The following BMP3 variants were observed in gnomAD, a reference collection of about 807,000 sequenced individuals.
BMP3 encodes the protein bone morphogenetic protein 3, also known as bone morphogenetic protein 3 (osteogenic).
In BMP3, 23 loss-of-function variants were observed where a neutral mutation model predicts 38.1. That is an observed-to-expected ratio of 0.60 (90% CI 0.43 to 0.86). The LOEUF (loss-of-function observed/expected upper bound fraction) is 0.86. Among genes scored for constraint, BMP3 ranks in the 40% least tolerant of loss-of-function variants. The probability of loss-of-function intolerance (pLI) is 0.00; values close to 1 mark genes in which losing one functional copy is unlikely to be tolerated. For synonymous variants in BMP3, 258 were observed against 225.7 expected, an observed-to-expected ratio of 1.14 and a Z score of -1.28; for missense variants, 628 against 579.6, an observed-to-expected ratio of 1.08 and a Z score of -0.86.
In BMP3 at chr4:81,045,962, G is replaced by A. The variant is rs779666641; in HGVS notation, c.541G>A (p.Gly181Ser). 59 of 1,613,844 alleles carry A rather than the reference G, an allele frequency of 3.7e-5. No homozygotes were observed. Among genetic ancestry groups the A allele is most frequent in the Non-Finnish European group, 4.5e-5 (53 of 1,179,998 alleles). The change falls in exon 2 of 3, where the codon GGC becomes AGC. Residue 181 changes from glycine (G) to serine (S), a missense_variant. Gly to Ser is a moderately conservative substitution (Grantham distance 56). Coordinates refer to ENST00000282701, the MANE Select transcript of BMP3 (RefSeq NM_001201.5). ...KFSRNQSQLL[G>S]HLSVDMAKSH... Reference sequence around the variant, plus strand: ...CAGCAGAAACCAAAGTCAACTCCTTGGCCATCTGTCAGTGGATATGGCCAA... The same window carrying A: ...CAGCAGAAACCAAAGTCAACTCCTTAGCCATCTGTCAGTGGATATGGCCAA...
chr4:81,052,714 T>A (rs763516825), intron 2 of BMP3, among the ~76,000 whole-genome samples: 3 of 152,074 alleles, frequency 2.0e-5, no homozygotes, highest in Non-Finnish European at 4.4e-5. Context: ...TAAGGAGAGT[T>A]GAATAATTAC....
At chr4:81,038,589 T>C (rs1313809159) in intron 1 of BMP3, among the ~76,000 whole-genome samples, 2 of 152,236 alleles carry the variant, frequency 1.3e-5, no homozygotes, top group Non-Finnish European at 2.9e-5. Flanking sequence ...AATACTATTC[T>C]ACTTCATATA....
chr4:81,046,952 GGTTGT>G (rs1343020381), intron 2 of BMP3, among the ~76,000 whole-genome samples: 3 of 152,190 alleles, frequency 2.0e-5, no homozygotes, highest in African/African-American at 7.2e-5. Flanking sequence ...TCAGCCACAT[GGTTGT>G]GTGTGAACCT....
chr4:81,030,956 G>A lies in BMP3; in HGVS notation c.-329G>A. 2 of 313,360 alleles carry A rather than the reference G, an allele frequency of 6.4e-6. No homozygotes were observed. Among genetic ancestry groups the A allele is most frequent in the Non-Finnish European group, 1.2e-5 (2 of 169,768 alleles). The allele number at this position is 313,360 out of a possible 1,614,324, so 19.4% of individuals were successfully genotyped here. A position where few individuals can be genotyped will look rare whatever the true frequency, so the allele number is the denominator to read the frequency against. The stretch of plus-strand genomic sequence containing the variant: ...TCCCAAAAATAAAGCGAGGAGGGAA[G>A]GTACAGACAGATCTTGAAAACACCC... On this transcript the variant is annotated 5_prime_UTR_variant, in exon 1 of 3. Transcript: ENST00000282701.
At chr4:81,052,893 G>A (rs1435548164) in intron 2 of BMP3, among the ~76,000 whole-genome samples, 1 of 152,128 alleles carries the variant, frequency 6.6e-6, no homozygotes, top group South Asian at 2.1e-4. Context: ...TTTGATTAAT[G>A]TAGGGTCAAT....
chr4:81,036,685 A>T (rs1044150202), intron 1 of BMP3, among the ~76,000 whole-genome samples: 2 of 152,038 alleles, frequency 1.3e-5, no homozygotes, highest in African/African-American at 4.8e-5. Flanking sequence ...CTTTATATTA[A>T]TCAAGTAATA....
chr4:81,039,508 G>A (rs913843889), intron 1 of BMP3, among the ~76,000 whole-genome samples: 1 of 152,152 alleles, frequency 6.6e-6, no homozygotes, highest in African/African-American at 2.4e-5. Context: ...GCACTGAAGT[G>A]TTGCAATAGC....
chr4:81,046,688 C>T (rs571181776), intron 2 of BMP3, 40 bp downstream of exon 2: 2 of 1,549,030 alleles, frequency 1.3e-6, no homozygotes, highest in Non-Finnish European at 1.7e-6. Flanking sequence ...TTCCTATTTC[C>T]ATTAGTAGAA....
At position 81,046,009 on chromosome 4, in the gene BMP3, C is replaced by G; in HGVS notation, c.588C>G (p.Ser196=). 6.2e-7 allele frequency: 1 copy of G among 1,614,142 alleles called. No homozygotes were observed. The highest frequency in any genetic ancestry group is 8.5e-7 in the Non-Finnish European group (1 of 1,180,024). ...CCAAATCTCATCGAGATATTATGTC[C>G]TGGCTGTCTAAAGATATCACTCAAC... The part of the protein sequence containing the change: ...DMAKSHRDIM[S]WLSKDITQLL... Residue 196 remains serine, a synonymous_variant, in exon 2 of 3, where the codon TCC becomes TCG. Transcript: ENST00000282701.
At chr4:81,051,598 A>G (rs1388046318) in intron 2 of BMP3, among the ~76,000 whole-genome samples, 1 of 152,214 alleles carries the variant, frequency 6.6e-6, no homozygotes, top group African/African-American at 2.4e-5. Context: ...GGATGGCTGC[A>G]AAAGCTTTCT....
chr4:81,035,747 C>T (rs1739905271), intron 1 of BMP3, among the ~76,000 whole-genome samples: 4 of 151,964 alleles, frequency 2.6e-5, no homozygotes, highest in Admixed American at 1.3e-4. Flanking sequence ...AAGATGTTAA[C>T]AGGTATTATA....
At position 81,031,278 on chromosome 4, in the gene BMP3, C is replaced by G. The variant is rs1739751174; in HGVS notation, c.-7C>G. 5.7e-6 allele frequency: 9 copies of G among 1,588,670 alleles called. No individual in the cohort carries two copies. Among genetic ancestry groups the G allele is most frequent in the Non-Finnish European group, 6.9e-6 (8 of 1,166,914 alleles). On this transcript the variant is annotated 5_prime_UTR_variant, in exon 1 of 3. Transcript: ENST00000282701. ...CGGGAGCCGACGCGCCGCGCGGGTA[C>G]CTAGCCATGGCTGGGGCGAGCAGGC...
intron 2 of BMP3, among the ~76,000 whole-genome samples, chr4:81,052,871 G>A (rs1349371971): frequency 6.6e-6 from 1 of 152,096 alleles, no homozygotes; most frequent in African/African-American, 2.4e-5. Flanking sequence ...TAAATAGAGT[G>A]CTTGTTAGGA....
chr4:81,057,432 T>C lies in BMP3; in HGVS notation c.*3896T>C, dbSNP rs913913502. ...ATTGCAGTGAAACTGTGAAGGATAC[T>C]TCACTACCAATGTATAAGCTTTGTT... On this transcript the variant is annotated 3_prime_UTR_variant, in exon 3 of 3. Transcript: ENST00000282701. 2.0e-5 allele frequency: 3 copies of C among 152,122 alleles called. No homozygotes were observed. The highest frequency in any genetic ancestry group is 4.4e-5 in the Non-Finnish European group (3 of 67,972). The allele number at this position is 152,122 out of a possible 1,614,324, so 9.4% of individuals were successfully genotyped here.
chr4:81,039,065 G>A (rs1298260081), intron 1 of BMP3, among the ~76,000 whole-genome samples: 1 of 152,178 alleles, frequency 6.6e-6, no homozygotes, highest in Non-Finnish European at 1.5e-5. Context: ...ACAATTCTAT[G>A]ACTTTGTGTT....
At chr4:81,036,040 G>T (rs1739914912) in intron 1 of BMP3, among the ~76,000 whole-genome samples, 1 of 151,810 alleles carries the variant, frequency 6.6e-6, no homozygotes, top group Admixed American at 6.6e-5. Flanking sequence ...CCATCTTCCT[G>T]CTTTTATGTC....
At chr4:81,046,726 A>T in intron 2 of BMP3, 78 bp downstream of exon 2, 1 of 1,470,746 alleles carries the variant, frequency 6.8e-7, no homozygotes, top group South Asian at 1.4e-5. Context: ...TAGTGTGCAT[A>T]TAGGGGGTTT....
At chr4:81,050,305 A>T (rs541634752) in intron 2 of BMP3, among the ~76,000 whole-genome samples, 1 of 152,182 alleles carries the variant, frequency 6.6e-6, no homozygotes, top group Admixed American at 6.5e-5. Flanking sequence ...GGCAGTTTGG[A>T]TTTTTCTGAT....
chr4:81,032,775 A>G (rs1739814116), intron 1 of BMP3, among the ~76,000 whole-genome samples: 1 of 152,240 alleles, frequency 6.6e-6, no homozygotes, highest in Non-Finnish European at 1.5e-5. Flanking sequence ...AATATATTCT[A>G]GAGCTTACAG....
Sources: gnomAD v4.1 joint callset for allele counts (sites outside exome capture counted in the v4.1 genomes callset) on GRCh38, gnomAD v4.1.1 for gene constraint, MANE v1.5 for transcripts, NCBI Gene and HGNC (gene_info 2026-07-23, HGNC 2026-07-21) for gene names.